The following LARGE1 variants were observed in gnomAD, a reference collection of about 807,000 sequenced individuals.
LARGE1 encodes LARGE xylosyl- and glucuronyltransferase 1.
Under a neutral mutation model 87.6 loss-of-function variants are expected in LARGE1, and 43 were observed. The observed-to-expected ratio is 0.49, with a 90% CI of 0.38 to 0.63. The LOEUF (loss-of-function observed/expected upper bound fraction) is 0.63, where lower values mean the gene tolerates loss of function less well. Ranked by LOEUF, LARGE1 falls within the 30% of genes least tolerant of loss-of-function variation. The pLI is 0.00. For missense variants in LARGE1, 802 were observed against 1,000.2 expected, an observed-to-expected ratio of 0.80 and a Z score of 2.67; for synonymous variants, 434 against 394.6, an observed-to-expected ratio of 1.10 and a Z score of -1.18.
At chr22:33,916,766 C>T (rs1335934357) in intron 1 of LARGE1, among the ~76,000 whole-genome samples, 7 of 152,220 alleles carry the variant, frequency 4.6e-5, no homozygotes, top group Non-Finnish European at 1.0e-4. Flanking sequence ...GCCTCTACTT[C>T]TGCCACCTGG....
the LARGE1 span, among the ~76,000 whole-genome samples, chr22:33,119,413 T>C: frequency 2.0e-5 from 3 of 152,198 alleles, no homozygotes; most frequent in African/African-American, 7.2e-5. Flanking sequence ...GCAAATATTT[T>C]AGTTCCCTAT....
At chr22:33,560,075 G>A (rs1231250801) in intron 6 of LARGE1, among the ~76,000 whole-genome samples, 1 of 152,120 alleles carries the variant, frequency 6.6e-6, no homozygotes, top group Non-Finnish European at 1.5e-5. Context: ...AAAGAGGACT[G>A]GATTCAAAGT....
At chr22:33,734,990 A>C (rs1361919214) in intron 2 of LARGE1, among the ~76,000 whole-genome samples, 2 of 152,238 alleles carry the variant, frequency 1.3e-5, no homozygotes, top group African/African-American at 4.8e-5. Flanking sequence ...AGAATCTGCC[A>C]GCCCAAAATA....
At chr22:33,733,019 C>A (rs1250596829) in intron 2 of LARGE1, 1 of 152,350 alleles carries the variant, frequency 6.6e-6, no homozygotes, top group Non-Finnish European at 1.5e-5. Flanking sequence ...TCTATCCATG[C>A]CTCCATGGCC....
chr22:33,525,704 G>A (rs1383337120), intron 6 of LARGE1, among the ~76,000 whole-genome samples: 20 of 152,136 alleles, frequency 1.3e-4, no homozygotes, highest in Non-Finnish European at 2.4e-4. Flanking sequence ...GAGAGGCTAC[G>A]GGGACGGGAA....
At chr22:33,339,468 T>C (rs1252813803) in intron 9 of LARGE1, among the ~76,000 whole-genome samples, 2 of 152,094 alleles carry the variant, frequency 1.3e-5, no homozygotes, top group Non-Finnish European at 2.9e-5. Flanking sequence ...CTGCAGATTT[T>C]CAGCAGGAGG....
intron 1 of LARGE1, among the ~76,000 whole-genome samples, chr22:33,909,364 T>C (rs549630605): frequency 6.6e-6 from 1 of 152,268 alleles, no homozygotes; most frequent in East Asian, 1.9e-4. Context: ...CCTGTCCAGC[T>C]GTCTCCCAGC....
At chr22:33,564,062 A>G (rs1483182742) in intron 6 of LARGE1, among the ~76,000 whole-genome samples, 1 of 152,176 alleles carries the variant, frequency 6.6e-6, no homozygotes. Flanking sequence ...GGGATTTTAA[A>G]CACAGAAGGG....
intron 3 of LARGE1, among the ~76,000 whole-genome samples, chr22:33,636,491 T>C (rs1174382312): frequency 6.6e-6 from 1 of 152,188 alleles, no homozygotes; most frequent in Non-Finnish European, 1.5e-5. Flanking sequence ...ACTCCACCTC[T>C]TGGGACCTCA....
At position 33,888,245 on chromosome 22, in the gene LARGE1, G is replaced by A. The variant is rs180839406; in HGVS notation, c.-83+31750C>T. On this transcript the variant is annotated intron_variant, in intron 1 of 14. Coordinates refer to ENST00000397394, the MANE Select transcript of LARGE1 (RefSeq NM_133642.5). ...TATTAATTTTAGATGACATCAAAAG[G>A]TCAATTTTTAAAAAACGAAAAAAAA... Among the ~76,000 whole-genome samples, 16 of 151,662 alleles carry A rather than the reference G, an allele frequency of 1.1e-4. No homozygotes were observed. In the East Asian group the frequency reaches 2.7e-3, roughly 26 times the overall value.
chr22:33,751,104 C>T (rs748305592), intron 2 of LARGE1, among the ~76,000 whole-genome samples: 2 of 152,090 alleles, frequency 1.3e-5, no homozygotes, highest in Non-Finnish European at 2.9e-5. Flanking sequence ...ATAACATATT[C>T]AGAAAAATGA....
intron 11 of LARGE1, among the ~76,000 whole-genome samples, chr22:33,228,987 C>A (rs912133831): frequency 6.6e-6 from 1 of 152,094 alleles, no homozygotes; most frequent in Non-Finnish European, 1.5e-5. Context: ...ATTTAATTAT[C>A]CAGCTCAAGG....
At position 33,658,649 on chromosome 22, in the gene LARGE1, T is replaced by C. The variant is rs538663275; in HGVS notation, c.107-7981A>G. 5.9e-5 allele frequency among the ~76,000 whole-genome samples: 9 copies of C among 152,328 alleles called. No homozygotes were observed. In the East Asian group the frequency reaches 1.7e-3, roughly 29 times the overall value. On this transcript the variant is annotated intron_variant, in intron 2 of 14. Transcript: ENST00000397394. ...CTTTTTATGGCTGCATAGTATTCCATGGTGTATATGTACCATATTTTCTTT... is the reference window on the plus strand; with the variant it reads ...CTTTTTATGGCTGCATAGTATTCCACGGTGTATATGTACCATATTTTCTTT...
intron 12 of LARGE1, among the ~76,000 whole-genome samples, chr22:33,298,911 A>AAGAG (rs10679072): frequency 0.01 from 1,518 of 151,484 alleles, 13 homozygotes; most frequent in Middle Eastern, 0.034. Context: ...GAAAAAAGGA[A>AAGAG]AGAGAGAGAG....
At chr22:33,112,930 G>A in the LARGE1 span, among the ~76,000 whole-genome samples, 1 of 152,128 alleles carries the variant, frequency 6.6e-6, no homozygotes, top group Admixed American at 6.6e-5. Context: ...CAGGAGGGCA[G>A]GTGTTAAAAT....
the LARGE1 span, among the ~76,000 whole-genome samples, chr22:33,104,977 CTTTT>C: frequency 7.5e-6 from 1 of 133,660 alleles, no homozygotes; most frequent in African/African-American, 2.8e-5. Context: ...TTCTTTCTTT[CTTTT>C]TCTTTTCTTT....
the LARGE1 span, among the ~76,000 whole-genome samples, chr22:33,068,872 T>C: frequency 2.0e-3 from 307 of 152,212 alleles, no homozygotes; most frequent in Non-Finnish European, 3.4e-3. Context: ...CTGGTTGGCC[T>C]CCAAGATGGA....
At chr22:33,306,128 G>A (rs1292343520) in intron 11 of LARGE1, among the ~76,000 whole-genome samples, 4 of 152,150 alleles carry the variant, frequency 2.6e-5, no homozygotes, top group Non-Finnish European at 5.9e-5. Flanking sequence ...ACAGGCGTGA[G>A]CCACCGCGCC....
intron 7 of LARGE1, among the ~76,000 whole-genome samples, chr22:33,402,475 C>A (rs761437545): frequency 6.6e-6 from 1 of 152,126 alleles, no homozygotes. Context: ...CCCCAGTGCA[C>A]ACTTTGATGA....
Sources: allele counts gnomAD v4.1 joint callset (sites outside exome capture counted in the v4.1 genomes callset), GRCh38; gene constraint gnomAD v4.1.1; transcripts MANE v1.5; gene names NCBI Gene and HGNC (gene_info 2026-07-23, HGNC 2026-07-21).